Variants in TRPM3 observed in about 807,000 individuals in gnomAD.
TRPM3 encodes long transient receptor potential channel 3.
TRPM3 carries 77 observed loss-of-function variants against 181.2 expected under a neutral mutation model. That is an observed-to-expected ratio of 0.42 (90% confidence interval 0.35 to 0.51). TRPM3 has a LOEUF of 0.51. TRPM3 is among the 20% of genes least tolerant of loss of function. The probability of loss-of-function intolerance (pLI) is 0.01; values close to 1 mark genes in which losing one functional copy is unlikely to be tolerated. For synonymous variants in TRPM3, 745 were observed against 796.4 expected (o/e 0.94, Z 1.09); for missense variants, 1,759 against 2,196.7 (o/e 0.80, Z 3.98).
At chr9:71,210,210 T>G (rs556316984) in intron 1 of TRPM3, among the ~76,000 whole-genome samples, 1 of 152,270 alleles carries the variant, frequency 6.6e-6, no homozygotes, top group African/African-American at 2.4e-5. Context: ...GTGAGGGATC[T>G]AGGTTGCGCA....
At chr9:70,789,733 T>C (rs2084887283) in intron 6 of TRPM3, among the ~76,000 whole-genome samples, 1 of 152,230 alleles carries the variant, frequency 6.6e-6, no homozygotes, top group Non-Finnish European at 1.5e-5. Flanking sequence ...AAATGTGAGC[T>C]TGAGTAACAG....
chr9:71,249,630 T>C (rs1265810915), intron 1 of TRPM3, among the ~76,000 whole-genome samples: 2 of 152,022 alleles, frequency 1.3e-5, no homozygotes, highest in African/African-American at 4.8e-5. Context: ...CCTTTAAAGA[T>C]AAAAAGGGAA....
chr9:70,636,044 G>T (rs1160871088), intron 11 of TRPM3, among the ~76,000 whole-genome samples: 1 of 152,074 alleles, frequency 6.6e-6, no homozygotes, highest in Non-Finnish European at 1.5e-5. Context: ...GAAAAGGGTT[G>T]GCCAACTTTT....
At chr9:71,410,470 C>T (rs914138346) in intron 1 of TRPM3, among the ~76,000 whole-genome samples, 29 of 152,096 alleles carry the variant, frequency 1.9e-4, no homozygotes, top group Non-Finnish European at 3.4e-4. Context: ...TCAGAGAATA[C>T]TATAAACACC....
At chr9:71,439,770 T>C (rs187403732) in intron 1 of TRPM3, among the ~76,000 whole-genome samples, 1 of 152,352 alleles carries the variant, frequency 6.6e-6, no homozygotes, top group African/African-American at 2.4e-5. Context: ...ATTTTTGTCA[T>C]GTTCTCTACT....
intron 1 of TRPM3, among the ~76,000 whole-genome samples, chr9:71,207,356 AT>A (rs2079186758): frequency 6.6e-6 from 1 of 152,124 alleles, no homozygotes; most frequent in Non-Finnish European, 1.5e-5. Context: ...TCTCACTGTA[AT>A]TCCTAGTCAT....
At chr9:70,955,883 G>A (rs541898624) in intron 1 of TRPM3, among the ~76,000 whole-genome samples, 4 of 152,214 alleles carry the variant, frequency 2.6e-5, no homozygotes, top group South Asian at 4.1e-4. Flanking sequence ...TGGGGGCAGC[G>A]CTATTATTGT....
chr9:70,567,597 G>T (rs951951641), intron 22 of TRPM3, among the ~76,000 whole-genome samples: 2 of 151,506 alleles, frequency 1.3e-5, no homozygotes, highest in African/African-American at 4.9e-5. Flanking sequence ...TATGTGAACG[G>T]CATTTCCTTT....
intron 1 of TRPM3, among the ~76,000 whole-genome samples, chr9:71,143,621 G>A (rs2075250435): frequency 6.6e-6 from 1 of 152,114 alleles, no homozygotes; most frequent in African/African-American, 2.4e-5. Flanking sequence ...CTATGTGTTT[G>A]CTATTGTGAA....
chr9:71,288,135 C>G (rs970957056), intron 1 of TRPM3, among the ~76,000 whole-genome samples: 2 of 151,246 alleles, frequency 1.3e-5, no homozygotes, highest in African/African-American at 4.9e-5. Flanking sequence ...CAAGGTTTTC[C>G]CCATTATTCC....
At chr9:71,325,944 C>A (rs1199124408) in intron 1 of TRPM3, among the ~76,000 whole-genome samples, 1 of 152,122 alleles carries the variant, frequency 6.6e-6, no homozygotes, top group African/African-American at 2.4e-5. Context: ...TGGGCAGAAT[C>A]TAGGACTATC....
At chr9:70,989,339 G>A (rs1230682141) in intron 1 of TRPM3, among the ~76,000 whole-genome samples, 1 of 152,118 alleles carries the variant, frequency 6.6e-6, no homozygotes, top group Non-Finnish European at 1.5e-5. Flanking sequence ...TATCACCAAG[G>A]ACTACATAAA....
chr9:70,581,952 CTCCTTCCTTTCT>C (rs141139858), intron 22 of TRPM3, among the ~76,000 whole-genome samples: 27,298 of 90,278 alleles, frequency 0.3, 2,636 homozygotes, highest in Middle Eastern at 0.36. Context: ...TCCTTGTCTT[CTCCTTCCTTTCT>C]TCCTTCCTTC....
intron 3 of TRPM3, among the ~76,000 whole-genome samples, chr9:70,852,084 A>C (rs189161958): frequency 7.6e-6 from 1 of 132,102 alleles, no homozygotes; most frequent in Non-Finnish European, 1.5e-5. Flanking sequence ...ACGCCACTGC[A>C]CCACTGCACT....
In TRPM3 at chr9:70,755,731, C is replaced by T; in HGVS notation, c.1272+5870G>A. Among the ~76,000 whole-genome samples, 2 of 152,058 alleles carry T rather than the reference C, an allele frequency of 1.3e-5. 1 individual carries two copies. Among genetic ancestry groups the T allele is most frequent in the Non-Finnish European group, 2.9e-5 (2 of 68,010 alleles). ...TCATATCCAGCCAAACTAAGCTTCA[C>T]AAGTGAAGAAGAAATAAAATCTTTT... On this transcript the variant is annotated intron_variant, in intron 8 of 25. Transcript: ENST00000677713.
intron 1 of TRPM3, among the ~76,000 whole-genome samples, chr9:71,128,701 G>T (rs756046754): frequency 2.6e-5 from 4 of 152,084 alleles, no homozygotes; most frequent in Non-Finnish European, 5.9e-5. Flanking sequence ...AATAACTTAC[G>T]AATTAATATA....
At chr9:70,768,611 A>T (rs1424537082) in intron 7 of TRPM3, among the ~76,000 whole-genome samples, 2 of 150,282 alleles carry the variant, frequency 1.3e-5, no homozygotes, top group African/African-American at 2.5e-5. Context: ...TTTTTTTTTT[A>T]AACTCAAAGA....
chr9:71,133,686 T>G (rs10868953), intron 1 of TRPM3, among the ~76,000 whole-genome samples: 1 of 151,998 alleles, frequency 6.6e-6, no homozygotes, highest in African/African-American at 2.4e-5. Flanking sequence ...TCATGTGAAT[T>G]GCTAGTATTT....
At chr9:70,583,444 A>G (rs572146645) in intron 22 of TRPM3, among the ~76,000 whole-genome samples, 1 of 152,360 alleles carries the variant, frequency 6.6e-6, no homozygotes, top group South Asian at 2.1e-4. Flanking sequence ...ACATAGGGTG[A>G]AACAAAAGTG....
Sources: allele counts gnomAD v4.1 joint callset (sites outside exome capture counted in the v4.1 genomes callset), GRCh38; gene constraint gnomAD v4.1.1; transcripts MANE v1.5; gene names NCBI Gene and HGNC (gene_info 2026-07-23, HGNC 2026-07-21).